The following CNTNAP2 variants were observed in gnomAD, a reference collection of about 807,000 sequenced individuals.
The protein encoded by CNTNAP2 is contactin associated protein 2, also known as contactin-associated protein-like 2.
CNTNAP2 carries 98 observed loss-of-function variants against 155.2 expected under a neutral mutation model. The ratio of observed to expected loss-of-function variants is 0.63; its 90% confidence interval spans 0.54 to 0.75. The LOEUF (loss-of-function observed/expected upper bound fraction) is 0.75. Ranked by LOEUF, CNTNAP2 falls within the 30% of genes least tolerant of loss-of-function variation. The pLI is 0.00. For missense variants in CNTNAP2, 1,727 were observed against 1,688.1 expected, an observed-to-expected ratio of 1.02 and a Z score of -0.40; for synonymous variants, 651 against 631.2, an observed-to-expected ratio of 1.03 and a Z score of -0.47.
At chr7:146,864,239 A>G (rs1235861491) in intron 3 of CNTNAP2, among the ~76,000 whole-genome samples, 1 of 152,134 alleles carries the variant, frequency 6.6e-6, no homozygotes, top group East Asian at 1.9e-4. Flanking sequence ...AATAATTTTT[A>G]TATAAAGACA....
chr7:147,899,901 AAAAAGAAAG>A (rs1399593324), intron 13 of CNTNAP2, among the ~76,000 whole-genome samples: 1 of 136,612 alleles, frequency 7.3e-6, no homozygotes, highest in Admixed American at 7.5e-5. Context: ...TCAAAAAAAA[AAAAAGAAAG>A]AAAGAAAGAA....
intron 1 of CNTNAP2, among the ~76,000 whole-genome samples, chr7:146,719,717 T>C (rs1380137203): frequency 1.4e-5 from 2 of 138,460 alleles, no homozygotes; most frequent in African/African-American, 6.8e-5. Flanking sequence ...TCACTTCTCT[T>C]TCTCCATTTT....
chr7:148,049,193 C>T (rs776335921), intron 15 of CNTNAP2, among the ~76,000 whole-genome samples: 14 of 152,130 alleles, frequency 9.2e-5, no homozygotes, highest in South Asian at 4.2e-4. Context: ...GCAGCCTGGG[C>T]GACAAGAGCA....
chr7:147,734,377 T>A (rs956639662), intron 13 of CNTNAP2, among the ~76,000 whole-genome samples: 6 of 152,220 alleles, frequency 3.9e-5, no homozygotes, highest in African/African-American at 1.4e-4. Context: ...CACTTGATCA[T>A]GGTGGATAAG....
intron 13 of CNTNAP2, among the ~76,000 whole-genome samples, chr7:147,855,239 G>T (rs1296996147): frequency 3.9e-5 from 6 of 151,954 alleles, no homozygotes; most frequent in Admixed American, 3.9e-4. Context: ...AATGAAGGGG[G>T]AGAAGGAGAA....
At chr7:147,264,622 C>T (rs78347661) in intron 8 of CNTNAP2, among the ~76,000 whole-genome samples, 2,468 of 150,246 alleles carry the variant, frequency 0.016, 68 homozygotes, top group African/African-American at 0.057. Flanking sequence ...AGCCTCAGGC[C>T]GAGGAGATGC....
chr7:148,275,549 T>G (rs1796856407), intron 21 of CNTNAP2, among the ~76,000 whole-genome samples: 1 of 152,208 alleles, frequency 6.6e-6, no homozygotes, highest in South Asian at 2.1e-4. Context: ...GCAGGGTGGT[T>G]GTTCTGCTTC....
chr7:147,994,162 G>C (rs1380772170), intron 15 of CNTNAP2, among the ~76,000 whole-genome samples: 1 of 152,052 alleles, frequency 6.6e-6, no homozygotes, highest in East Asian at 1.9e-4. Context: ...TTGAGCCCCA[G>C]GAGTTTGAGA....
chr7:147,062,608 A>G (rs1354339334), intron 4 of CNTNAP2, among the ~76,000 whole-genome samples: 2 of 152,214 alleles, frequency 1.3e-5, no homozygotes, highest in Admixed American at 1.3e-4. Flanking sequence ...CTTACTTCAT[A>G]GATTTGTCAT....
intron 1 of CNTNAP2, among the ~76,000 whole-genome samples, chr7:146,500,279 C>G (rs1330439224): frequency 1.3e-5 from 2 of 152,108 alleles, no homozygotes; most frequent in Non-Finnish European, 2.9e-5. Flanking sequence ...AAGCCAATTA[C>G]TGAGATGATG....
At chr7:147,335,554 A>G (rs2116849737) in intron 9 of CNTNAP2, among the ~76,000 whole-genome samples, 1 of 152,320 alleles carries the variant, frequency 6.6e-6, no homozygotes, top group Middle Eastern at 3.4e-3. Flanking sequence ...CCCCAAAGAA[A>G]ATAAATGATT....
rs1798595202 is a variant in CNTNAP2 at position 147,834,033 on chromosome 7, GATA to G, written c.2099-69531_2099-69529del. On this transcript the variant is annotated intron_variant, in intron 13 of 23. Transcript: ENST00000361727. Reference sequence around the variant, plus strand: ...CCTCAAAGGAAGAATTGAAAGATTAGATATGGGTTACTTTTTCTTTCCACACTA... The same window carrying G: ...CCTCAAAGGAAGAATTGAAAGATTAGTGGGTTACTTTTTCTTTCCACACTA... 2.6e-5 allele frequency among the ~76,000 whole-genome samples: 4 copies of G among 152,310 alleles called. No homozygotes were observed. The East Asian group carries it at 7.7e-4, about 29-fold the overall frequency.
intron 10 of CNTNAP2, among the ~76,000 whole-genome samples, chr7:147,462,995 T>C (rs1798051528): frequency 6.6e-6 from 1 of 152,248 alleles, no homozygotes; most frequent in African/African-American, 2.4e-5. Context: ...TAACACATTA[T>C]TAAATGGGTT....
At chr7:147,419,114 C>T (rs751057774) in intron 10 of CNTNAP2, among the ~76,000 whole-genome samples, 5 of 152,148 alleles carry the variant, frequency 3.3e-5, no homozygotes, top group Non-Finnish European at 5.9e-5. Context: ...TCCATAGCCA[C>T]CACATGAAAT....
At chr7:147,469,059 G>A (rs1416099324) in intron 10 of CNTNAP2, among the ~76,000 whole-genome samples, 1 of 152,112 alleles carries the variant, frequency 6.6e-6, no homozygotes, top group Non-Finnish European at 1.5e-5. Context: ...CCAGGCTCAA[G>A]TGATCCACCC....
chr7:147,147,428 C>CA (rs1397634536), intron 8 of CNTNAP2, among the ~76,000 whole-genome samples: 4 of 152,042 alleles, frequency 2.6e-5, no homozygotes, highest in African/African-American at 4.8e-5. Flanking sequence ...ACTACTTACA[C>CA]AAAAAACCTC....
chr7:147,652,670 A>G (rs1305792492), intron 13 of CNTNAP2, among the ~76,000 whole-genome samples: 1 of 152,110 alleles, frequency 6.6e-6, no homozygotes, highest in African/African-American at 2.4e-5. Flanking sequence ...ATCTAGGTTT[A>G]TGTACCTCTA....
chr7:146,691,400 C>T (rs1386022285), intron 1 of CNTNAP2, among the ~76,000 whole-genome samples: 1 of 152,108 alleles, frequency 6.6e-6, no homozygotes, highest in Non-Finnish European at 1.5e-5. Flanking sequence ...TTACTGTAAA[C>T]ATTCTCAGAA....
intron 18 of CNTNAP2, among the ~76,000 whole-genome samples, chr7:148,182,842 C>T (rs1202208960): frequency 6.6e-6 from 1 of 152,196 alleles, no homozygotes; most frequent in Non-Finnish European, 1.5e-5. Flanking sequence ...AAATGTTTAA[C>T]TTGACTAACA....
Sources: allele counts gnomAD v4.1 joint callset (sites outside exome capture counted in the v4.1 genomes callset), GRCh38; gene constraint gnomAD v4.1.1; transcripts MANE v1.5; gene names NCBI Gene and HGNC (gene_info 2026-07-23, HGNC 2026-07-21).